Variants in EYS observed in about 807,000 individuals in gnomAD.
EYS encodes the protein protein eyes shut homolog.
A neutral mutation model predicts 282.1 loss-of-function variants in EYS; 250 were observed. That is an observed-to-expected ratio of 0.89 (90% CI 0.80 to 0.98). The LOEUF (loss-of-function observed/expected upper bound fraction) is 0.98, where lower values mean the gene tolerates loss of function less well. Among genes scored for constraint, EYS ranks in the 50% least tolerant of loss-of-function variants. The pLI is 0.00. For missense variants in EYS, 4,016 were observed against 3,709.0 expected, an observed-to-expected ratio of 1.08 and a Z score of -2.15; for synonymous variants, 1,355 against 1,282.9, an observed-to-expected ratio of 1.06 and a Z score of -1.20.
intron 35 of EYS, among the ~76,000 whole-genome samples, chr6:63,934,251 C>T (rs1357711965): frequency 6.6e-6 from 1 of 152,154 alleles, no homozygotes; most frequent in East Asian, 1.9e-4. Flanking sequence ...CAGGAAACAA[C>T]AGGTGCTGGA....
At chr6:65,632,751 G>A (rs527950230) in intron 2 of EYS, among the ~76,000 whole-genome samples, 13 of 152,256 alleles carry the variant, frequency 8.5e-5, no homozygotes, top group African/African-American at 3.1e-4. Flanking sequence ...CACTAGGTAA[G>A]TTATATTTTC....
Position 65,665,449 on chromosome 6 carries a change from C to T in EYS, c.-447-25557G>A, listed in dbSNP as rs138732436. 5.8e-3 allele frequency among the ~76,000 whole-genome samples: 877 copies of T among 152,164 alleles called. 8 individuals carry two copies. Among genetic ancestry groups the T allele is most frequent in the African/African-American group, 0.02 (840 of 41,550 alleles). Reference sequence around the variant, plus strand: ...CTAAACTGTGGGAAACGATGAATTCCTACACAGTAAAATAGATTATTTTCT... The same window carrying T: ...CTAAACTGTGGGAAACGATGAATTCTTACACAGTAAAATAGATTATTTTCT... On this transcript the variant is annotated intron_variant, in intron 1 of 42. Transcript: ENST00000503581.
intron 2 of EYS, among the ~76,000 whole-genome samples, chr6:65,566,902 T>C (rs890634446): frequency 1.3e-5 from 2 of 152,160 alleles, no homozygotes. Flanking sequence ...AAAGAAAATT[T>C]GTTTACCACA....
chr6:63,937,404 G>A (rs964417163), intron 35 of EYS, among the ~76,000 whole-genome samples: 18 of 59,102 alleles, frequency 3.0e-4, no homozygotes, highest in Non-Finnish European at 5.1e-4. Context: ...TTTTTGAGAC[G>A]GAGTCTCACT....
intron 26 of EYS, among the ~76,000 whole-genome samples, chr6:64,566,219 T>C (rs1244637029): frequency 2.0e-5 from 3 of 152,158 alleles, no homozygotes; most frequent in Admixed American, 6.5e-5. Flanking sequence ...TAATAAACTG[T>C]AGACAAACAA....
chr6:65,568,022 G>T (rs7753548), intron 2 of EYS, among the ~76,000 whole-genome samples: 113,087 of 151,908 alleles, frequency 0.74, 42,790 homozygotes, highest in African/African-American at 0.88. Flanking sequence ...CCTAGAACAA[G>T]AATTATTTTT....
chr6:64,375,847 A>G (rs1202228443), intron 29 of EYS, among the ~76,000 whole-genome samples: 1 of 152,228 alleles, frequency 6.6e-6, no homozygotes, highest in Non-Finnish European at 1.5e-5. Flanking sequence ...GCTCTATAAT[A>G]CACAATCTCA....
At chr6:64,627,202 C>T (rs992044022) in intron 22 of EYS, among the ~76,000 whole-genome samples, 1 of 152,180 alleles carries the variant, frequency 6.6e-6, no homozygotes, top group Non-Finnish European at 1.5e-5. Context: ...AACTCTGTGT[C>T]TGCCTTCAAG....
At chr6:63,995,688 G>A (rs1767802901) in intron 34 of EYS, among the ~76,000 whole-genome samples, 1 of 152,018 alleles carries the variant, frequency 6.6e-6, no homozygotes, top group Non-Finnish European at 1.5e-5. Context: ...ATTAATGGAT[G>A]AATGGATAAA....
At chr6:65,281,507 A>G (rs1363484343) in intron 12 of EYS, among the ~76,000 whole-genome samples, 1 of 152,130 alleles carries the variant, frequency 6.6e-6, no homozygotes, top group Non-Finnish European at 1.5e-5. Flanking sequence ...ATTTTCTTGT[A>G]TTTCAGAAAG....
intron 36 of EYS, among the ~76,000 whole-genome samples, chr6:63,825,555 G>T (rs748862602): frequency 2.0e-5 from 3 of 152,302 alleles, no homozygotes; most frequent in Non-Finnish European, 4.4e-5. Context: ...CCCATAGATG[G>T]TTCACATTAC....
intron 22 of EYS, chr6:64,713,382 C>T (rs1392127623): frequency 1.3e-5 from 2 of 152,148 alleles, no homozygotes; most frequent in South Asian, 2.1e-4. Context: ...TTTCATGATG[C>T]TGTCAGCGTG....
intron 26 of EYS, among the ~76,000 whole-genome samples, chr6:64,491,204 G>A (rs1028668514): frequency 6.6e-6 from 1 of 150,798 alleles, no homozygotes; most frequent in Non-Finnish European, 1.5e-5. Flanking sequence ...CAATTTAAAT[G>A]TTAAACCTAA....
intron 31 of EYS, among the ~76,000 whole-genome samples, chr6:64,176,523 G>A (rs1562239222): frequency 6.6e-6 from 1 of 151,640 alleles, no homozygotes; most frequent in African/African-American, 2.4e-5. Context: ...GTGTGTGTGT[G>A]TGTTTGTGTA....
intron 36 of EYS, chr6:63,806,944 A>AT (rs1770922946): frequency 1.3e-5 from 2 of 152,182 alleles, no homozygotes; most frequent in Non-Finnish European, 2.9e-5. Context: ...AATGTTCATT[A>AT]TTTCTTTGCT....
At chr6:64,830,990 C>T (rs1765196097) in intron 19 of EYS, among the ~76,000 whole-genome samples, 1 of 151,996 alleles carries the variant, frequency 6.6e-6, no homozygotes, top group Non-Finnish European at 1.5e-5. Context: ...TATGGGTCAA[C>T]TATGAAGGGG....
Position 63,806,377 on chromosome 6 carries a change from GA to G in EYS, c.7229-6del, listed in dbSNP as rs1174597152. The G allele has an allele frequency of 2.0e-6, 3 of 1,522,510 alleles. No individual in the cohort carries two copies. Among genetic ancestry groups the G allele is most frequent in the Non-Finnish European group, 1.8e-6 (2 of 1,131,410 alleles). 94.3% of individuals were successfully genotyped at this position (1,522,510 alleles called of 1,614,324 possible). On this transcript the variant is annotated splice_polypyrimidine_tract_variant and splice_region_variant and intron_variant, in intron 36 of 42. Coordinates refer to ENST00000503581, the MANE Select transcript of EYS (RefSeq NM_001142800.2). ...TTGGCTGAGTAATATTAATAGCTGTGAAAAAACCCAAACCAAACAGTTAAAA... is the reference window on the plus strand; with the variant it reads ...TTGGCTGAGTAATATTAATAGCTGTGAAAAACCCAAACCAAACAGTTAAAA...
chr6:64,962,727 A>G (rs1010641467), intron 14 of EYS, among the ~76,000 whole-genome samples: 1 of 152,096 alleles, frequency 6.6e-6, no homozygotes, highest in Non-Finnish European at 1.5e-5. Context: ...CAGCCTGGGC[A>G]ACAGAATAAG....
Position 64,626,215 on chromosome 6 carries a change from A to G in EYS, c.3474T>C (p.Cys1158=). 6.5e-7 allele frequency: 1 copy of G among 1,533,924 alleles called. No homozygotes were observed. The highest frequency in any genetic ancestry group is 8.8e-7 in the Non-Finnish European group (1 of 1,141,932). ...RCLPGFSGQF[C]EININECSSS... is the part of the protein sequence containing the mutation. ...AAGAGCATTCATTTATATTAATTTCACAAAATTGACCAGAAAATCCAGGAA... is the reference window on the plus strand; with the variant it reads ...AAGAGCATTCATTTATATTAATTTCGCAAAATTGACCAGAAAATCCAGGAA... The change falls in exon 23 of 43, where the codon TGT becomes TGC. Residue 1158 remains cysteine, a synonymous_variant. Coordinates refer to ENST00000503581, the MANE Select transcript of EYS (RefSeq NM_001142800.2).
Sources: allele counts gnomAD v4.1 joint callset (sites outside exome capture counted in the v4.1 genomes callset), GRCh38; gene constraint gnomAD v4.1.1; transcripts MANE v1.5; gene names NCBI Gene and HGNC (gene_info 2026-07-23, HGNC 2026-07-21).